TEAD4: variants seen among roughly 807,000 people sequenced by gnomAD.
TEAD4 encodes transcriptional enhancer factor TEF-3.
A neutral mutation model predicts 52.4 loss-of-function variants in TEAD4; 36 were observed. The ratio of observed to expected loss-of-function variants is 0.69; its 90% CI spans 0.53 to 0.91. TEAD4 has a LOEUF of 0.91. Ranked by LOEUF, TEAD4 falls within the 40% of genes least tolerant of loss-of-function variation. TEAD4 has a pLI of 0.00. For synonymous variants in TEAD4, 220 were observed against 231.0 expected (o/e 0.95, Z 0.43); for missense variants, 508 against 583.9 (o/e 0.87, Z 1.34).
intron 4 of TEAD4, 37 bp downstream of exon 4, chr12:3,011,105 G>T (rs768457303): frequency 3.1e-6 from 5 of 1,611,814 alleles, no homozygotes; most frequent in Non-Finnish European, 4.2e-6. Flanking sequence ...CCCGGGGGTG[G>T]TACCCCAGCA....
chr12:3,020,089 T>G (rs1328794943), intron 8 of TEAD4, among the ~76,000 whole-genome samples: 1 of 152,104 alleles, frequency 6.6e-6, no homozygotes, highest in Non-Finnish European at 1.5e-5. Context: ...CCTGGTGCCT[T>G]CAGGACACGA....
intron 10 of TEAD4, among the ~76,000 whole-genome samples, chr12:3,034,707 A>T (rs1324133557): frequency 2.0e-5 from 3 of 152,184 alleles, no homozygotes; most frequent in Non-Finnish European, 4.4e-5. Flanking sequence ...CTGAGGCAGG[A>T]GGATCACTTG....
intron 2 of TEAD4, among the ~76,000 whole-genome samples, chr12:2,976,330 T>C (rs2098229644): frequency 1.5e-5 from 2 of 137,664 alleles, no homozygotes; most frequent in Middle Eastern, 3.7e-3. Flanking sequence ...TCTTTTTTTT[T>C]TTTTCTGAAT....
intron 2 of TEAD4, among the ~76,000 whole-genome samples, chr12:2,964,370 T>C (rs1028005128): frequency 3.9e-5 from 6 of 152,086 alleles, no homozygotes; most frequent in Non-Finnish European, 5.9e-5. Context: ...CAGTTGTGGC[T>C]GGAACGGCGA....
chr12:3,027,781 C>G (rs959089653), intron 10 of TEAD4, among the ~76,000 whole-genome samples: 14 of 152,134 alleles, frequency 9.2e-5, no homozygotes, highest in Admixed American at 9.2e-4. Context: ...ATGGGAAGAT[C>G]GCTTGAGCCT....
Position 2,994,277 on chromosome 12 carries a change from T to C in TEAD4, c.-29-461T>C, listed in dbSNP as rs929627720. 2.6e-5 allele frequency among the ~76,000 whole-genome samples: 4 copies of C among 152,182 alleles called. No homozygotes were observed. The highest frequency in any genetic ancestry group is 4.8e-5 in the African/African-American group (2 of 41,450). On this transcript the variant is annotated intron_variant, in intron 2 of 12. Coordinates refer to ENST00000359864, the MANE Select transcript of TEAD4 (RefSeq NM_003213.4). The surrounding 1 kb of genome is among the most constrained non-coding windows in gnomAD (Gnocchi z 4.7). Reference sequence around the variant, plus strand: ...TTTTAGTAGAAACGGGGTTTCACCATGTTGGCCAGGCTGGTCTCGAGTTCC... The same window carrying C: ...TTTTAGTAGAAACGGGGTTTCACCACGTTGGCCAGGCTGGTCTCGAGTTCC...
Position 2,959,431 on chromosome 12 carries a change from G to A in TEAD4, c.-173G>A, listed in dbSNP as rs2098213266. 2 of 146,004 alleles carry A rather than the reference G, an allele frequency of 1.4e-5. No homozygotes were observed. Among genetic ancestry groups the A allele is most frequent in the Non-Finnish European group, 1.5e-5 (1 of 65,650 alleles). The allele number at this position is 146,004 out of a possible 1,614,324, so 9.0% of individuals were successfully genotyped here. A position where few individuals can be genotyped will look rare whatever the true frequency, so the allele number is the denominator to read the frequency against. On this transcript the variant is annotated 5_prime_UTR_variant, in exon 1 of 13. Transcript: ENST00000359864. This position sits in a 1 kb window ranked among gnomAD's most constrained non-coding sequence, Gnocchi z 5.1. Reference sequence around the variant, plus strand: ...ATTCCAGCGTCCTCCTCGCACACTCGAGGCCAGGGGGCGGGAGGGCCGCAG... The same window carrying A: ...ATTCCAGCGTCCTCCTCGCACACTCAAGGCCAGGGGGCGGGAGGGCCGCAG...
At chr12:2,966,101 A>G (rs561037350) in intron 2 of TEAD4, among the ~76,000 whole-genome samples, 3 of 152,254 alleles carry the variant, frequency 2.0e-5, no homozygotes, top group Admixed American at 6.5e-5. Context: ...ACCTGGGTTC[A>G]CTCTACCAAG....
intron 10 of TEAD4, among the ~76,000 whole-genome samples, chr12:3,032,059 G>T (rs1360265308): frequency 1.3e-5 from 2 of 152,198 alleles, no homozygotes; most frequent in African/African-American, 2.4e-5. Flanking sequence ...CCAGCCCCTT[G>T]GGCTTCTTGG....
chr12:3,039,139 C>T (rs2098281188), intron 11 of TEAD4, among the ~76,000 whole-genome samples: 1 of 152,260 alleles, frequency 6.6e-6, no homozygotes, highest in African/African-American at 2.4e-5. Context: ...GCTTCTCCGC[C>T]TGGCTGCACC....
Position 3,019,170 on chromosome 12 carries a change from G to C in TEAD4, c.583G>C (p.Gly195Arg). The change falls in exon 8 of 13, where the codon GGG (glycine) becomes CGG (arginine). Residue 195 changes from glycine to arginine, a missense_variant and splice_region_variant. Coordinates refer to ENST00000359864, the MANE Select transcript of TEAD4 (RefSeq NM_003213.4). ...TGTCCAGCCTCCGCTGCCTCTGCCA[G>C]GTGGGTGGGCGCTGCGTGGCCCCCT... The C allele has an allele frequency of 6.2e-7, 1 of 1,613,944 alleles. No homozygotes were observed. The highest frequency in any genetic ancestry group is 8.5e-7 in the Non-Finnish European group (1 of 1,179,986).
At chr12:2,989,888 G>A (rs537008566) in intron 2 of TEAD4, among the ~76,000 whole-genome samples, 2 of 152,296 alleles carry the variant, frequency 1.3e-5, no homozygotes, top group South Asian at 2.1e-4. Context: ...TTAGGATTCA[G>A]CATGGTTCCT....
intron 2 of TEAD4, among the ~76,000 whole-genome samples, chr12:2,972,106 T>C (rs1007393353): frequency 3.3e-5 from 5 of 150,862 alleles, no homozygotes; most frequent in African/African-American, 1.2e-4. Flanking sequence ...AGCCACAGAG[T>C]CTCACTCTGC....
At chr12:3,020,541 GGTCT>G in intron 8 of TEAD4, 89 bp from the exon 9 acceptor site, 1 of 1,392,766 alleles carries the variant, frequency 7.2e-7, no homozygotes, top group African/African-American at 1.5e-5. Context: ...AGGCAGCACG[GGTCT>G]GTCCGAGGAG....
At chr12:3,010,916 G>T in intron 3 of TEAD4, 88 bp from the exon 4 acceptor site, 2 of 1,434,324 alleles carry the variant, frequency 1.4e-6, no homozygotes, top group Non-Finnish European at 2.0e-6. Context: ...TGAGGGCAGG[G>T]CTCCTCCGCA....
At chr12:2,969,586 A>G (rs2098223440) in intron 2 of TEAD4, among the ~76,000 whole-genome samples, 2 of 152,312 alleles carry the variant, frequency 1.3e-5, no homozygotes, top group Non-Finnish European at 2.9e-5. Flanking sequence ...TTCTCCACAT[A>G]TCAGCATGCG....
intron 3 of TEAD4, among the ~76,000 whole-genome samples, chr12:3,000,675 G>A (rs1471887693): frequency 6.6e-6 from 1 of 152,200 alleles, no homozygotes; most frequent in Non-Finnish European, 1.5e-5. Flanking sequence ...CCAGGCAAGG[G>A]GGTGGAGAGA....
At position 3,015,680 on chromosome 12, in the gene TEAD4, A is replaced by G. The variant is rs143206193; in HGVS notation, c.355-1718A>G. On this transcript the variant is annotated intron_variant, in intron 5 of 12. Coordinates refer to ENST00000359864, the MANE Select transcript of TEAD4 (RefSeq NM_003213.4). ...CTTCTGTTTTTAGTTTGTGTTTTAGAGACTCCACTCTGTCACCCAGGCTGG... is the reference window on the plus strand; with the variant it reads ...CTTCTGTTTTTAGTTTGTGTTTTAGGGACTCCACTCTGTCACCCAGGCTGG... 2.1e-4 allele frequency among the ~76,000 whole-genome samples: 32 copies of G among 152,290 alleles called. No individual in the cohort carries two copies. In the East Asian group the frequency reaches 3.1e-3, roughly 15 times the overall value.
chr12:3,011,164 C>G, intron 4 of TEAD4, 96 bp downstream of exon 4: 4 of 1,283,794 alleles, frequency 3.1e-6, no homozygotes, highest in East Asian at 2.3e-5. Context: ...CAGACGCAGG[C>G]TTTTGAGGGG....
Sources: gnomAD v4.1 joint callset for allele counts (sites outside exome capture counted in the v4.1 genomes callset) on GRCh38, gnomAD v4.1.1 for gene constraint, Gnocchi (gnomAD v3.1) non-coding constraint, MANE v1.5 for transcripts, NCBI Gene and HGNC (gene_info 2026-07-23, HGNC 2026-07-21) for gene names.